Variants in TTC39A observed in about 807,000 individuals in gnomAD.
The protein encoded by TTC39A is tetratricopeptide repeat protein 39A.
A neutral mutation model predicts 82.3 loss-of-function variants in TTC39A; 46 were observed. The ratio of observed to expected loss-of-function variants is 0.56; its 90% CI spans 0.44 to 0.71. The LOEUF (loss-of-function observed/expected upper bound fraction) is 0.71, where lower values mean the gene tolerates loss of function less well. TTC39A is among the 30% of genes least tolerant of loss of function. The pLI, the probability that TTC39A is intolerant of heterozygous loss-of-function variation, is 0.00. For synonymous variants in TTC39A, 254 were observed against 275.2 expected (o/e 0.92, Z 0.76); for missense variants, 543 against 712.9 (o/e 0.76, Z 2.71).
At chr1:51,340,326 T>G (rs1324812889) in intron 1 of TTC39A, among the ~76,000 whole-genome samples, 1 of 152,022 alleles carries the variant, frequency 6.6e-6, no homozygotes, top group Non-Finnish European at 1.5e-5. Flanking sequence ...AGGAGAGTGG[T>G]GGGTGGCACA....
intron 10 of TTC39A, 32 bp downstream of exon 10, chr1:51,302,474 G>A: frequency 6.2e-7 from 1 of 1,607,248 alleles, no homozygotes; most frequent in East Asian, 2.2e-5. Context: ...GTGTTTGTGG[G>A]CTGGGGGTAC....
At chr1:51,329,114 T>C (rs1645817876) in intron 1 of TTC39A, among the ~76,000 whole-genome samples, 1 of 152,024 alleles carries the variant, frequency 6.6e-6, no homozygotes, top group Non-Finnish European at 1.5e-5. Flanking sequence ...GTGCCCGGGG[T>C]TGTAGAGGGC....
At position 51,321,582 on chromosome 1, in the gene TTC39A, T is replaced by A; in HGVS notation, c.146+139A>T. The A allele has an allele frequency of 1.4e-6, 1 of 733,220 alleles. No individual in the cohort carries two copies. Among genetic ancestry groups the A allele is most frequent in the Non-Finnish European group, 2.3e-6 (1 of 438,854 alleles). 45.4% of individuals were successfully genotyped at this position (733,220 alleles called of 1,614,324 possible). On this transcript the variant is annotated intron_variant, in intron 2 of 17. Transcript: ENST00000680483. This position sits in a 1 kb window ranked among gnomAD's most constrained non-coding sequence, Gnocchi z 4.6. ...GGCCGTGGAATGGAGCTTGAGCCAT[T>A]TTTATGGGACTTCTCAGAGGTCCTG...
intron 2 of TTC39A, among the ~76,000 whole-genome samples, chr1:51,319,324 A>G (rs1645405726): frequency 6.6e-6 from 1 of 152,200 alleles, no homozygotes; most frequent in Non-Finnish European, 1.5e-5. Flanking sequence ...AGATAAAGCA[A>G]TGGGAAAAAG....
At chr1:51,343,221 T>TTC (rs1475435563) in intron 1 of TTC39A, 3 of 360,942 alleles carry the variant, frequency 8.3e-6, no homozygotes, top group African/African-American at 6.3e-5. Context: ...CCTGTCTCCT[T>TTC]TCCATAAGTA....
intron 12 of TTC39A, chr1:51,299,644 G>A (rs1217491525): frequency 6.6e-6 from 1 of 152,306 alleles, no homozygotes; most frequent in Non-Finnish European, 1.5e-5. Flanking sequence ...AAGCCACACA[G>A]CGGTCTGGGG....
At chr1:51,289,248 C>A (rs1458910147) in intron 16 of TTC39A, among the ~76,000 whole-genome samples, 1 of 152,214 alleles carries the variant, frequency 6.6e-6, no homozygotes, top group East Asian at 1.9e-4. Flanking sequence ...CCCTCTCTGA[C>A]CCGACCTCCA....
At chr1:51,322,216 C>CT in intron 1 of TTC39A, 1 of 1,518,750 alleles carries the variant, frequency 6.6e-7, no homozygotes. Flanking sequence ...CCCACAGCCC[C>CT]TTTTTCCCTC....
At chr1:51,309,886 A>G (rs1645019939) in intron 5 of TTC39A, among the ~76,000 whole-genome samples, 1 of 152,202 alleles carries the variant, frequency 6.6e-6, no homozygotes, top group Non-Finnish European at 1.5e-5. Flanking sequence ...GAAGAAAGCA[A>G]GCAACATAGT....
At chr1:51,319,705 T>C (rs1332134442) in intron 2 of TTC39A, among the ~76,000 whole-genome samples, 1 of 151,392 alleles carries the variant, frequency 6.6e-6, no homozygotes, top group African/African-American at 2.4e-5. Flanking sequence ...TTTTTTTTTT[T>C]TTCCAGACAG....
At position 51,312,846 on chromosome 1, in the gene TTC39A, TG is replaced by T; in HGVS notation, c.243del (p.Asn82ThrfsTer2). The stretch of plus-strand genomic sequence containing the variant: ...AGCATCTGTGCCTCCTTCATCATGT[TG>T]CCGGCAAGCAGGATGTCCTGAGGGT... The part of the protein sequence containing the change: ...TFDPQDILLA[G>X]NMMKEAQMLC... On this transcript the variant is annotated frameshift_variant, in exon 3 of 18. Coordinates refer to ENST00000680483, the MANE Select transcript of TTC39A (RefSeq NM_001297663.2). LOFTEE classifies it high-confidence loss of function. The T allele has an allele frequency of 6.2e-7, 1 of 1,613,950 alleles. No homozygotes were observed. The highest frequency in any genetic ancestry group is 8.5e-7 in the Non-Finnish European group (1 of 1,179,844).
rs561253545 is a variant in TTC39A at position 51,326,191 on chromosome 1, G to A, written c.41+4246C>T. 2.0e-5 allele frequency among the ~76,000 whole-genome samples: 3 copies of A among 152,166 alleles called. No homozygotes were observed. The East Asian group carries it at 5.8e-4, about 29-fold the overall frequency. On this transcript the variant is annotated intron_variant, in intron 1 of 17. Coordinates refer to ENST00000680483, the MANE Select transcript of TTC39A (RefSeq NM_001297663.2). The stretch of plus-strand genomic sequence containing the variant: ...AGGGCTGTGATCATGGGAATCACTG[G>A]GGGCCAAAGGGGCCCAGAAGACACC...
At chr1:51,309,745 G>GA (rs1436291655) in intron 5 of TTC39A, among the ~76,000 whole-genome samples, 1 of 152,172 alleles carries the variant, frequency 6.6e-6, no homozygotes, top group Non-Finnish European at 1.5e-5. Flanking sequence ...ACACCCAACG[G>GA]AAACGGATGG....
At chr1:51,300,036 G>C (rs1644591835) in intron 12 of TTC39A, 1 of 152,386 alleles carries the variant, frequency 6.6e-6, no homozygotes, top group South Asian at 2.1e-4. Context: ...TCAACAGCAG[G>C]GTGGGCTCAG....
chr1:51,344,882 C>T, intron 1 of TTC39A: 1 of 1,372,232 alleles, frequency 7.3e-7, no homozygotes, highest in Admixed American at 2.4e-5. Flanking sequence ...AGCCACACAC[C>T]CTTTCCCCAG....
intron 6 of TTC39A, among the ~76,000 whole-genome samples, chr1:51,306,853 A>ACCCCCCCCCCCCCCCCC (rs3068549): frequency 3.8e-4 from 23 of 60,182 alleles, no homozygotes; most frequent in African/African-American, 5.1e-4. Context: ...TAAGGGACAG[A>ACCCCCCCCCCCCCCCCC]CCCCCCCCCC....
In TTC39A at chr1:51,287,415, C is replaced by G. The variant is rs1644033858; in HGVS notation, c.*742G>C. On this transcript the variant is annotated 3_prime_UTR_variant, in exon 18 of 18. Coordinates refer to ENST00000680483, the MANE Select transcript of TTC39A (RefSeq NM_001297663.2). ...ATTCTGAGAACCTCCTCCTGCCCCCCAAATTTCCTGGCTTTGGCATAGAAA... is the reference window on the plus strand; with the variant it reads ...ATTCTGAGAACCTCCTCCTGCCCCCGAAATTTCCTGGCTTTGGCATAGAAA... 1.3e-5 allele frequency: 2 copies of G among 152,230 alleles called. No homozygotes were observed. The highest frequency in any genetic ancestry group is 1.5e-5 in the Non-Finnish European group (1 of 68,044). 9.4% of individuals were successfully genotyped at this position (152,230 alleles called of 1,614,324 possible).
rs1257344736 is a variant in TTC39A at position 51,303,380 on chromosome 1, G to A, written c.655-188C>T. Among the ~76,000 whole-genome samples the A allele has an allele frequency of 2.6e-5, 4 of 152,332 alleles. No homozygotes were observed. In the East Asian group the frequency reaches 7.7e-4, roughly 29 times the overall value. On this transcript the variant is annotated intron_variant, in intron 8 of 17. Coordinates refer to ENST00000680483, the MANE Select transcript of TTC39A (RefSeq NM_001297663.2). ...GCCCCAGCACATTCCTGGGAGAAGG[G>A]GACACGGCTGCCAAGGCCAGGACAA...
intron 1 of TTC39A, among the ~76,000 whole-genome samples, chr1:51,327,258 T>G (rs372841725): frequency 1.2e-4 from 18 of 152,336 alleles, no homozygotes; most frequent in African/African-American, 4.3e-4. Flanking sequence ...GGAAGCCAAC[T>G]GCAGTCAGAG....
Sources: gnomAD v4.1 joint callset for allele counts (sites outside exome capture counted in the v4.1 genomes callset) on GRCh38, gnomAD v4.1.1 for gene constraint, Gnocchi (gnomAD v3.1) non-coding constraint, MANE v1.5 for transcripts, NCBI Gene and HGNC (gene_info 2026-07-23, HGNC 2026-07-21) for gene names.